SLCO5A1: variants seen among roughly 807,000 people sequenced by gnomAD.
SLCO5A1 encodes the protein organic anion transporter polypeptide-related protein 4.
SLCO5A1 carries 39 observed loss-of-function variants against 65.1 expected under a neutral mutation model. The ratio of observed to expected loss-of-function variants is 0.60; its 90% CI spans 0.46 to 0.78. SLCO5A1 has a LOEUF of 0.78. SLCO5A1 is among the 30% of genes least tolerant of loss of function. The pLI, the probability that SLCO5A1 is intolerant of heterozygous loss-of-function variation, is 0.00. For missense variants in SLCO5A1, 1,029 were observed against 1,069.4 expected (o/e 0.96, Z 0.53); for synonymous variants, 438 against 415.7 (o/e 1.05, Z -0.65).
At position 69,767,314 on chromosome 8, in the gene SLCO5A1, T is replaced by C. The variant is rs931303778; in HGVS notation, c.908-5439A>G. ...TTCTATTTATCCTGTCAAATATTTATATCTGATCTTTTCAAGAAACTCTGC... is the reference window on the plus strand; with the variant it reads ...TTCTATTTATCCTGTCAAATATTTACATCTGATCTTTTCAAGAAACTCTGC... On this transcript the variant is annotated intron_variant, in intron 2 of 9. Coordinates refer to ENST00000260126, the MANE Select transcript of SLCO5A1 (RefSeq NM_030958.3). Among the ~76,000 whole-genome samples, 6 of 152,222 alleles carry C rather than the reference T, an allele frequency of 3.9e-5. No homozygotes were observed. In the East Asian group the frequency reaches 1.2e-3, roughly 29 times the overall value.
chr8:69,772,353 TC>T (rs112593364), intron 2 of SLCO5A1, among the ~76,000 whole-genome samples: 2,351 of 151,572 alleles, frequency 0.016, 47 homozygotes, highest in African/African-American at 0.054. Context: ...AGACTTCATC[TC>T]TACAAAAAAA....
At chr8:69,806,981 G>GA (rs1184492931) in intron 2 of SLCO5A1, among the ~76,000 whole-genome samples, 4 of 152,264 alleles carry the variant, frequency 2.6e-5, no homozygotes, top group African/African-American at 9.6e-5. Flanking sequence ...CACAGAACCA[G>GA]AAAAAACCAC....
At chr8:69,756,045 G>A (rs914986088) in intron 3 of SLCO5A1, among the ~76,000 whole-genome samples, 3 of 151,532 alleles carry the variant, frequency 2.0e-5, no homozygotes, top group East Asian at 3.9e-4. Flanking sequence ...ACTTTTTTTT[G>A]TCATAAGAAA....
In SLCO5A1 at chr8:69,669,391, AT is replaced by A. The variant is rs1490335702; in HGVS notation, c.*3477del. ...TTGTTAACCAAAAGCTATTGTATAC[AT>A]TGCGTAGTGTAAAAAATGAATAATG... On this transcript the variant is annotated 3_prime_UTR_variant, in exon 10 of 10. Coordinates refer to ENST00000260126, the MANE Select transcript of SLCO5A1 (RefSeq NM_030958.3). 6.6e-6 allele frequency: 1 copy of A among 152,202 alleles called. No homozygotes were observed. The highest frequency in any genetic ancestry group is 6.5e-5 in the Admixed American group (1 of 15,272). 9.4% of individuals were successfully genotyped at this position (152,202 alleles called of 1,614,324 possible). A position where few individuals can be genotyped will look rare whatever the true frequency, so the allele number is the denominator to read the frequency against.
intron 2 of SLCO5A1, among the ~76,000 whole-genome samples, chr8:69,783,537 T>TA (rs1056130759): frequency 6.3e-4 from 96 of 152,052 alleles, no homozygotes; most frequent in African/African-American, 2.2e-3. Flanking sequence ...TTTTAAAAAT[T>TA]AAAAAAGGTA....
At chr8:69,711,197 TACG>T (rs1316565916) in intron 5 of SLCO5A1, among the ~76,000 whole-genome samples, 2 of 151,790 alleles carry the variant, frequency 1.3e-5, no homozygotes, top group Non-Finnish European at 2.9e-5. Flanking sequence ...CGGCAGAAGT[TACG>T]GTCCTGCCGC....
Position 69,755,551 on chromosome 8 carries a change from C to G in SLCO5A1, c.1131G>C (p.Lys377Asn), listed in dbSNP as rs1817506382. 1.2e-6 allele frequency: 2 copies of G among 1,613,902 alleles called. No individual in the cohort carries two copies. Among genetic ancestry groups the G allele is most frequent in the South Asian group, 2.2e-5 (2 of 91,054 alleles). ...CAGAAAATTTTTTCTTTTTCTTTTTCTTGTGTCGAGGTGGAAGCTTTTTTG... is the reference window on the plus strand; with the variant it reads ...CAGAAAATTTTTTCTTTTTCTTTTTGTTGTGTCGAGGTGGAAGCTTTTTTG... ...TFPKKLPPRH[K>N]KKKKKKFSVD... Residue 377 changes from lysine to asparagine, a missense_variant, in exon 4 of 10, where the codon AAG becomes AAC. Transcript: ENST00000260126.
chr8:69,782,140 G>C (rs1171572078), intron 2 of SLCO5A1, among the ~76,000 whole-genome samples: 1 of 151,950 alleles, frequency 6.6e-6, no homozygotes, highest in Non-Finnish European at 1.5e-5. Flanking sequence ...CTAGATGATG[G>C]GTTGATGGGT....
intron 2 of SLCO5A1, among the ~76,000 whole-genome samples, chr8:69,807,177 T>G (rs1396883238): frequency 6.6e-6 from 1 of 152,226 alleles, no homozygotes; most frequent in Non-Finnish European, 1.5e-5. Flanking sequence ...CATCTGGAAT[T>G]AGAATATACA....
At chr8:69,784,430 A>T (rs576631040) in intron 2 of SLCO5A1, among the ~76,000 whole-genome samples, 1 of 152,312 alleles carries the variant, frequency 6.6e-6, no homozygotes, top group East Asian at 1.9e-4. Context: ...ACTCTCATAC[A>T]TCGCTGGTGG....
intron 5 of SLCO5A1, among the ~76,000 whole-genome samples, chr8:69,709,788 A>G (rs189621468): frequency 1.3e-5 from 2 of 152,214 alleles, no homozygotes; most frequent in East Asian, 3.8e-4. Flanking sequence ...CCGTGATGGG[A>G]AAGTGAAGTC....
At chr8:69,715,978 C>T (rs1426906078) in intron 5 of SLCO5A1, among the ~76,000 whole-genome samples, 1 of 152,104 alleles carries the variant, frequency 6.6e-6, no homozygotes, top group African/African-American at 2.4e-5. Flanking sequence ...TCACACCCAG[C>T]CCTCCCTTGC....
chr8:69,742,295 T>C (rs563598764), intron 4 of SLCO5A1, among the ~76,000 whole-genome samples: 1 of 152,204 alleles, frequency 6.6e-6, no homozygotes, highest in Admixed American at 6.5e-5. Context: ...ACTTAATTTT[T>C]ATGCTACAGA....
chr8:69,815,155 T>C (rs1052994550), intron 2 of SLCO5A1, among the ~76,000 whole-genome samples: 2 of 152,156 alleles, frequency 1.3e-5, no homozygotes, highest in Admixed American at 6.5e-5. Flanking sequence ...ATTTCAAAGG[T>C]TTTCACCATA....
intron 6 of SLCO5A1, among the ~76,000 whole-genome samples, chr8:69,699,212 A>G (rs1340402953): frequency 6.6e-6 from 1 of 152,192 alleles, no homozygotes; most frequent in East Asian, 1.9e-4. Flanking sequence ...TCTGGAGAAA[A>G]TGCACCAAAG....
intron 5 of SLCO5A1, among the ~76,000 whole-genome samples, chr8:69,716,128 T>A (rs1815523064): frequency 6.6e-6 from 1 of 152,228 alleles, no homozygotes; most frequent in African/African-American, 2.4e-5. Flanking sequence ...AAGGTTCCTC[T>A]GTGTTAAAGC....
Position 69,679,582 on chromosome 8 carries a change from C to A in SLCO5A1, c.1820G>T (p.Arg607Leu). ...CACGGTGGGTGGAGTGATCACTTGG[C>A]GACTTTGGACACAGGTGCATTCTGT... The part of the protein sequence containing the change: ...NYTECTCVQS[R>L]QVITPPTVGQ... Residue 607 changes from arginine to leucine, a missense_variant, in exon 8 of 10, where the codon CGC becomes CTC. By Grantham distance (102) the Arg-to-Leu change is moderately radical. Coordinates refer to ENST00000260126, the MANE Select transcript of SLCO5A1 (RefSeq NM_030958.3). 1 of 1,614,150 alleles carries A rather than the reference C, an allele frequency of 6.2e-7. No homozygotes were observed. The highest frequency in any genetic ancestry group is 8.5e-7 in the Non-Finnish European group (1 of 1,180,032).
rs1563708309 is a variant in SLCO5A1 at position 69,762,194 on chromosome 8, CTTTCTTT to C, written c.908-326_908-320del. On this transcript the variant is annotated intron_variant, in intron 2 of 9. Coordinates refer to ENST00000260126, the MANE Select transcript of SLCO5A1 (RefSeq NM_030958.3). ...TCTTTCTTTCTTTCTTTCTTTCTTT[CTTTCTTT>C]TTTGAGACAGAGTCTTGCTCTGTCA... is the stretch of plus-strand genomic sequence containing the variant. Among the ~76,000 whole-genome samples the C allele has an allele frequency of 4.8e-4, 32 of 66,658 alleles. 3 individuals are homozygous for C. Among genetic ancestry groups the C allele is most frequent in the African/African-American group, 2.1e-3 (32 of 15,248 alleles). The allele number at this position is 66,658 out of a possible 152,430, so 43.7% of individuals were successfully genotyped here.
chr8:69,791,439 A>G (rs1018971653), intron 2 of SLCO5A1, among the ~76,000 whole-genome samples: 5 of 152,230 alleles, frequency 3.3e-5, no homozygotes, highest in African/African-American at 1.2e-4. Flanking sequence ...TGAGGGAGGG[A>G]CACTATATTG....
Sources: gnomAD v4.1 joint callset for allele counts (sites outside exome capture counted in the v4.1 genomes callset) on GRCh38, gnomAD v4.1.1 for gene constraint, MANE v1.5 for transcripts, NCBI Gene and HGNC (gene_info 2026-07-23, HGNC 2026-07-21) for gene names.